GLYR1: variants seen among roughly 807,000 people sequenced by gnomAD.
GLYR1 encodes glyoxylate reductase 1 homolog, also known as cytokine-like nuclear factor N-PAC.
A neutral mutation model predicts 72.7 loss-of-function variants in GLYR1; 21 were observed. The ratio of observed to expected loss-of-function variants is 0.29; its 90% confidence interval spans 0.20 to 0.42. The LOEUF is 0.42. Among genes scored for constraint, GLYR1 ranks in the 10% least tolerant of loss-of-function variants. GLYR1 has a pLI of 1.00. For missense variants in GLYR1, 594 were observed against 712.1 expected (o/e 0.83, Z 1.89); for synonymous variants, 392 against 270.2 (o/e 1.45, Z -4.42).
At chr16:4,840,856 G>C (rs1340719964) in intron 3 of GLYR1, among the ~76,000 whole-genome samples, 1 of 152,158 alleles carries the variant, frequency 6.6e-6, no homozygotes, top group Non-Finnish European at 1.5e-5. Context: ...AGCCAATCTG[G>C]AGATCTTACC....
Position 4,832,120 on chromosome 16 carries a change from A to T in GLYR1, c.396T>A (p.Ser132=), listed in dbSNP as rs765186924. 4 of 1,614,068 alleles carry T rather than the reference A, an allele frequency of 2.5e-6. No homozygotes were observed. The African/African-American group carries it at 4.0e-5, about 16-fold the overall frequency. ...SGDEKRKLSL[S]EGKVKKNMGE... ...CCATGTTCTTCTTCACCTTCCCTTC[A>T]GACAGGCTAAGTTTGCGCTTCTCAT... The change falls in exon 5 of 16, where the codon TCT becomes TCA. Residue 132 remains serine, a synonymous_variant. Transcript: ENST00000321919.
chr16:4,845,235 T>A, intron 2 of GLYR1, 82 bp from the exon 3 acceptor site: 2 of 869,882 alleles, frequency 2.3e-6, no homozygotes, highest in Non-Finnish European at 3.8e-6. Context: ...TCTACAGTTC[T>A]ACGTTGCTAA....
At chr16:4,843,724 G>A (rs1172753255) in intron 3 of GLYR1, 1 of 1,024,998 alleles carries the variant, frequency 9.8e-7, no homozygotes, top group Non-Finnish European at 1.3e-6. Flanking sequence ...AGATTTACCA[G>A]AGAAGCCACA....
chr16:4,823,723 C>A, intron 6 of GLYR1, 98 bp downstream of exon 6: 1 of 915,262 alleles, frequency 1.1e-6, no homozygotes, highest in East Asian at 2.4e-5. Flanking sequence ...TAAATTAAGC[C>A]TCACACACAA....
rs749150409 is a variant in GLYR1 at position 4,812,227 on chromosome 16, G to GC, written c.1140dup (p.Arg381AlafsTer15). ...CCTGAGACGGGGGCTTCCAGAAAGC[G>GC]CCCCCCCCTGGACACAATCACCTGG... On this transcript the variant is annotated frameshift_variant, in exon 13 of 16. Transcript: ENST00000321919. LOFTEE classifies it high-confidence loss of function. 2.4e-4 allele frequency: 392 copies of GC among 1,610,750 alleles called. No individual in the cohort carries two copies. Among genetic ancestry groups the GC allele is most frequent in the Middle Eastern group, 1.7e-4 (1 of 6,056 alleles).
Position 4,823,914 on chromosome 16 carries a change from A to G in GLYR1, c.538-7T>C, listed in dbSNP as rs749064024. 1.0e-5 allele frequency: 16 copies of G among 1,607,480 alleles called. No homozygotes were observed. Among genetic ancestry groups the G allele is most frequent in the Non-Finnish European group, 1.4e-5 (16 of 1,174,120 alleles). On this transcript the variant is annotated splice_region_variant and splice_polypyrimidine_tract_variant and intron_variant, in intron 5 of 15. Coordinates refer to ENST00000321919, the MANE Select transcript of GLYR1 (RefSeq NM_032569.4). The stretch of plus-strand genomic sequence containing the variant: ...ACTCCGGGATGGTGAGATCCTATAG[A>G]GGGAGGGGCAGGGCATTTTAAAATC...
intron 1 of GLYR1, chr16:4,846,948 C>G: frequency 2.1e-6 from 1 of 487,574 alleles, no homozygotes. Context: ...CCGGCGGCTC[C>G]CTTCACGGGG....
At chr16:4,823,716 A>G (rs1444162971) in intron 6 of GLYR1, 105 bp downstream of exon 6, 10 of 877,414 alleles carry the variant, frequency 1.1e-5, no homozygotes. Context: ...GTAATAATAA[A>G]TTAAGCCTCA....
At chr16:4,821,155 G>C in intron 9 of GLYR1, 1 of 587,294 alleles carries the variant, frequency 1.7e-6, no homozygotes, top group Non-Finnish European at 3.0e-6. Context: ...TTGAGTTCTG[G>C]AGCCAAAAAA....
intron 3 of GLYR1, among the ~76,000 whole-genome samples, chr16:4,841,773 T>C (rs558653944): frequency 1.2e-4 from 19 of 152,254 alleles, no homozygotes; most frequent in Non-Finnish European, 2.6e-4. Context: ...CTAATGAAGT[T>C]TGGGCCAACC....
intron 1 of GLYR1, chr16:4,846,544 G>C (rs769640798): frequency 3.3e-6 from 1 of 298,992 alleles, no homozygotes; most frequent in Non-Finnish European, 6.6e-6. Flanking sequence ...AATTCAACAG[G>C]AGACCTGCCT....
At chr16:4,824,629 G>C (rs1402816993) in intron 5 of GLYR1, among the ~76,000 whole-genome samples, 2 of 152,084 alleles carry the variant, frequency 1.3e-5, no homozygotes, top group Admixed American at 6.6e-5. Context: ...TCATGACAAA[G>C]GCAGAATTAA....
At chr16:4,843,484 A>G (rs2085713687) in intron 3 of GLYR1, 1 of 1,274,904 alleles carries the variant, frequency 7.8e-7, no homozygotes, top group Non-Finnish European at 1.0e-6. Flanking sequence ...ATGGAGTTCT[A>G]AGAACATTCC....
rs548327750 is a variant in GLYR1 at position 4,834,844 on chromosome 16, AAGG to A, written c.156-1935_156-1933del. ...TCCAATCTGCTGGGAGGAAAAGTGG[AAGG>A]AGATTTCGACCCCAGATTTTCTGGC... On this transcript the variant is annotated intron_variant, in intron 3 of 15. Coordinates refer to ENST00000321919, the MANE Select transcript of GLYR1 (RefSeq NM_032569.4). Among the ~76,000 whole-genome samples the A allele has an allele frequency of 6.6e-4, 100 of 152,276 alleles. 1 individual carries two copies. The highest frequency in any genetic ancestry group is 2.3e-3 in the South Asian group (11 of 4,824).
chr16:4,840,729 G>A (rs1023565114), intron 3 of GLYR1, among the ~76,000 whole-genome samples: 8 of 152,184 alleles, frequency 5.3e-5, no homozygotes, highest in African/African-American at 1.9e-4. Flanking sequence ...GGACACAGAG[G>A]CTCAGAAAGG....
At position 4,810,715 on chromosome 16, in the gene GLYR1, A is replaced by G. The variant is rs1169743527; in HGVS notation, c.1587+455T>C. Among the ~76,000 whole-genome samples, 740 of 142,304 alleles carry G rather than the reference A, an allele frequency of 5.2e-3. 6 individuals are homozygous for G. The highest frequency in any genetic ancestry group is 0.018 in the African/African-American group (703 of 39,230). The allele number at this position is 142,304 out of a possible 152,430, so 93.4% of individuals were successfully genotyped here. ...TGTCTCTACTAAAAAAAAAAAAAAA[A>G]AAAAAAAAAAAAAAAAAATTAGCCG... On this transcript the variant is annotated intron_variant, in intron 15 of 15. Transcript: ENST00000321919.
chr16:4,832,461 T>C (rs1457028225), intron 4 of GLYR1: 1 of 596,840 alleles, frequency 1.7e-6, no homozygotes, highest in Non-Finnish European at 2.9e-6. Flanking sequence ...CTAGGCAGTA[T>C]ATGTATTTCA....
chr16:4,842,532 A>C (rs889570780), intron 3 of GLYR1, among the ~76,000 whole-genome samples: 3 of 151,284 alleles, frequency 2.0e-5, no homozygotes, highest in Non-Finnish European at 2.9e-5. Flanking sequence ...AAAAAAATTT[A>C]TTTTTTTAAG....
chr16:4,825,655 TC>T (rs2084334236), intron 5 of GLYR1, among the ~76,000 whole-genome samples: 1 of 117,096 alleles, frequency 8.5e-6, no homozygotes. Context: ...ATTATCATCT[TC>T]TTTTTTTTTT....
Sources: gnomAD v4.1 joint callset for allele counts (sites outside exome capture counted in the v4.1 genomes callset) on GRCh38, gnomAD v4.1.1 for gene constraint, MANE v1.5 for transcripts, NCBI Gene and HGNC (gene_info 2026-07-23, HGNC 2026-07-21) for gene names.